MGST1: variants seen among roughly 807,000 people sequenced by gnomAD.
MGST1 encodes glutathione S-transferase 12.
MGST1 carries 5 observed loss-of-function variants against 8.9 expected under a neutral mutation model. That is an observed-to-expected ratio of 0.56 (90% CI 0.29 to 1.19). The LOEUF (loss-of-function observed/expected upper bound fraction) is 1.19. Among genes scored for constraint, MGST1 ranks in the 50% most tolerant of loss-of-function variants. MGST1 has a pLI of 0.08. For synonymous variants in MGST1, 54 were observed against 67.8 expected, an observed-to-expected ratio of 0.80 and a Z score of 1.00; for missense variants, 182 against 187.4, an observed-to-expected ratio of 0.97 and a Z score of 0.17.
chr12:16,347,818 T>TGGCAGA lies in MGST1; in HGVS notation c.-23+109_-23+110insGCAGAG, dbSNP rs1939269989. 6.6e-6 allele frequency: 1 copy of TGGCAGA among 152,300 alleles called. No homozygotes were observed. Among genetic ancestry groups the TGGCAGA allele is most frequent in the South Asian group, 2.1e-4 (1 of 4,836 alleles). The allele number at this position is 152,300 out of a possible 1,614,324, so 9.4% of individuals were successfully genotyped here. On this transcript the variant is annotated intron_variant, in intron 1 of 3. Transcript: ENST00000396210. This position sits in a 1 kb window ranked among gnomAD's most constrained non-coding sequence, Gnocchi z 4.0. ...TGGGGGGGTCTCTGCCAGCTGGAAGTGCTTGGCTCCACTTAGCAGCTAAAC... is the reference window on the plus strand; with the variant it reads ...TGGGGGGGTCTCTGCCAGCTGGAAGTGGCAGAGCTTGGCTCCACTTAGCAGCTAAAC...
chr12:16,477,175 A>C (rs7971901), intron 4 of MGST1, among the ~76,000 whole-genome samples: 3,853 of 152,310 alleles, frequency 0.025, 183 homozygotes, highest in African/African-American at 0.087. Flanking sequence ...TTTTGCTAAA[A>C]TAGAAAGATT....
intron 4 of MGST1, among the ~76,000 whole-genome samples, chr12:16,474,356 G>C (rs1192475430): frequency 1.3e-5 from 2 of 152,162 alleles, no homozygotes; most frequent in African/African-American, 2.4e-5. Flanking sequence ...GAAAAATTCT[G>C]ATACTTCTAA....
chr12:16,451,584 A>C (rs1346192793), intron 4 of MGST1, among the ~76,000 whole-genome samples: 1 of 151,880 alleles, frequency 6.6e-6, no homozygotes, highest in Non-Finnish European at 1.5e-5. Flanking sequence ...CAGTTATATG[A>C]ATTTTTTAAA....
At chr12:16,496,218 T>A (rs1021058566) in intron 4 of MGST1, among the ~76,000 whole-genome samples, 3 of 152,030 alleles carry the variant, frequency 2.0e-5, no homozygotes, top group Non-Finnish European at 2.9e-5. Flanking sequence ...GTTAGTGTTA[T>A]TTCTGGTGGC....
intron 1 of MGST1, chr12:16,402,205 T>C: frequency 1.3e-6 from 2 of 1,584,484 alleles, no homozygotes; most frequent in African/African-American, 1.3e-5. Flanking sequence ...ATAAAGATGA[T>C]TTTGTCATCA....
intron 4 of MGST1, among the ~76,000 whole-genome samples, chr12:16,501,923 A>G (rs758908261): frequency 2.0e-5 from 3 of 152,164 alleles, no homozygotes; most frequent in Non-Finnish European, 4.4e-5. Flanking sequence ...AATTCTATTA[A>G]TTATCTAAAT....
intron 4 of MGST1, among the ~76,000 whole-genome samples, chr12:16,572,364 A>G (rs1312771995): frequency 3.4e-5 from 1 of 29,006 alleles, no homozygotes; most frequent in African/African-American, 8.1e-5. Flanking sequence ...TTTTTTTTGT[A>G]AAGAGCTGTT....
In MGST1 at chr12:16,589,415, C is replaced by A. The variant is rs1943421272; in HGVS notation, n.483-113C>A. On this transcript the variant is annotated intron_variant and non_coding_transcript_variant, in intron 4 of 4. Transcript: ENST00000538857. The surrounding 1 kb of genome is among the most constrained non-coding windows in gnomAD (Gnocchi z 4.2). ...CTTGTGGCTTTACTTTTACTTGTGA[C>A]TTCACAGTAAAAAATTAGGTCGTAG... 1 of 151,978 alleles carries A rather than the reference C, an allele frequency of 6.6e-6. No individual in the cohort carries two copies. The highest frequency in any genetic ancestry group is 6.6e-5 in the Admixed American group (1 of 15,250). The allele number at this position is 151,978 out of a possible 1,614,324, so 9.4% of individuals were successfully genotyped here.
At chr12:16,479,235 C>CTTTTTTTTTT (rs542448251) in intron 4 of MGST1, among the ~76,000 whole-genome samples, 43 of 112,050 alleles carry the variant, frequency 3.8e-4, no homozygotes, top group East Asian at 7.7e-4. Flanking sequence ...TAGACTGTAT[C>CTTTTTTTTTT]TTTTTTTTTT....
At chr12:16,353,342 G>A (rs1049467175) in intron 1 of MGST1, 2 of 151,998 alleles carry the variant, frequency 1.3e-5, no homozygotes, top group African/African-American at 2.4e-5. Context: ...CTACTGTTTC[G>A]ATTTTAAGAA....
At chr12:16,416,149 A>T (rs1189556114) in intron 1 of MGST1, among the ~76,000 whole-genome samples, 4 of 152,218 alleles carry the variant, frequency 2.6e-5, no homozygotes, top group Admixed American at 1.3e-4. Context: ...TGAGACCATG[A>T]GGAAAAGAAA....
chr12:16,584,825 T>C lies in MGST1; in HGVS notation n.483-4703T>C, dbSNP rs1943267443. Among the ~76,000 whole-genome samples the C allele has an allele frequency of 6.6e-6, 1 of 152,148 alleles. No homozygotes were observed. Among genetic ancestry groups the C allele is most frequent in the Admixed American group, 6.6e-5 (1 of 15,264 alleles). Reference sequence around the variant, plus strand: ...GAGATTTCTGAAGCAGGAGTGTAACTGGTATACATTGGATGAAGGGCTCTG... The same window carrying C: ...GAGATTTCTGAAGCAGGAGTGTAACCGGTATACATTGGATGAAGGGCTCTG... On this transcript the variant is annotated intron_variant and non_coding_transcript_variant, in intron 4 of 4. Transcript: ENST00000538857. The surrounding 1 kb of genome is among the most constrained non-coding windows in gnomAD (Gnocchi z 5.2).
At chr12:16,399,486 C>T in intron 1 of MGST1, 2 of 1,559,368 alleles carry the variant, frequency 1.3e-6, no homozygotes, top group Admixed American at 3.3e-5. Context: ...CTCTTCTTCA[C>T]TACCCAACGA....
intron 1 of MGST1, among the ~76,000 whole-genome samples, chr12:16,415,870 C>T (rs7314403): frequency 0.53 from 80,391 of 151,952 alleles, 22,295 homozygotes; most frequent in East Asian, 0.87. Context: ...GGCTTGCTTA[C>T]TTATCTTCAA....
chr12:16,400,154 C>T lies in MGST1; in HGVS notation n.778+16550C>T, dbSNP rs1940642070. The T allele has an allele frequency of 4.4e-6, 6 of 1,351,576 alleles. No individual in the cohort carries two copies. The Admixed American group carries it at 8.4e-5, about 19-fold the overall frequency. 83.7% of individuals were successfully genotyped at this position (1,351,576 alleles called of 1,614,324 possible). On this transcript the variant is annotated intron_variant and non_coding_transcript_variant, in intron 1 of 1. Transcript: ENST00000359720. ...TGCTCAGCATAGAGGTCATCTCGGT[C>T]ATGCATATGTTGATGTTTCCCTAAG... is the stretch of plus-strand genomic sequence containing the variant.
chr12:16,574,583 CT>C (rs1942933129), intron 4 of MGST1, among the ~76,000 whole-genome samples: 1 of 152,136 alleles, frequency 6.6e-6, no homozygotes, highest in Admixed American at 6.6e-5. Context: ...GACTTAGGAA[CT>C]TTCCCCCTAT....
At chr12:16,446,531 T>A (rs1941081426) in intron 4 of MGST1, among the ~76,000 whole-genome samples, 1 of 151,938 alleles carries the variant, frequency 6.6e-6, no homozygotes, top group Admixed American at 6.6e-5. Flanking sequence ...GATGCTGTAT[T>A]CTATTAACCA....
At chr12:16,431,967 A>G (rs1351128713) in intron 1 of MGST1, among the ~76,000 whole-genome samples, 1 of 152,202 alleles carries the variant, frequency 6.6e-6, no homozygotes, top group African/African-American at 2.4e-5. Flanking sequence ...TATAGCATTT[A>G]TAAAATCTCT....
chr12:16,565,087 T>C (rs1171053625), intron 4 of MGST1, among the ~76,000 whole-genome samples: 1 of 152,204 alleles, frequency 6.6e-6, no homozygotes, highest in Non-Finnish European at 1.5e-5. Flanking sequence ...CTATGCCCGG[T>C]CTAGTATTTG....
Sources: gnomAD v4.1 joint callset for allele counts (sites outside exome capture counted in the v4.1 genomes callset) on GRCh38, gnomAD v4.1.1 for gene constraint, Gnocchi (gnomAD v3.1) non-coding constraint, MANE v1.5 for transcripts, NCBI Gene and HGNC (gene_info 2026-07-23, HGNC 2026-07-21) for gene names.